RIMS1: variants seen among roughly 807,000 people sequenced by gnomAD.
RIMS1 encodes regulating synaptic membrane exocytosis protein 1.
A neutral mutation model predicts 214.1 loss-of-function variants in RIMS1; 83 were observed. That is an observed-to-expected ratio of 0.39 (90% CI 0.32 to 0.47). The LOEUF is 0.47. RIMS1 is among the 20% of genes least tolerant of loss of function. The pLI, the probability that RIMS1 is intolerant of heterozygous loss-of-function variation, is 0.99. For missense variants in RIMS1, 2,050 were observed against 2,161.8 expected (o/e 0.95, Z 1.03); for synonymous variants, 793 against 786.8 (o/e 1.01, Z -0.13).
At chr6:72,261,390 G>T in intron 19 of RIMS1, 1 of 985,772 alleles carries the variant, frequency 1.0e-6, no homozygotes, top group Non-Finnish European at 1.2e-6. Flanking sequence ...CAGTATGAAT[G>T]CCTCTTTAGA....
At chr6:71,903,984 C>A (rs1005297818) in intron 1 of RIMS1, among the ~76,000 whole-genome samples, 1 of 152,116 alleles carries the variant, frequency 6.6e-6, no homozygotes, top group Non-Finnish European at 1.5e-5. Context: ...GATAAATTAT[C>A]CTTCCTCTTT....
At chr6:72,288,436 A>G (rs1377687195) in intron 24 of RIMS1, among the ~76,000 whole-genome samples, 1 of 152,144 alleles carries the variant, frequency 6.6e-6, no homozygotes, top group Non-Finnish European at 1.5e-5. Flanking sequence ...AGTAAGGAAT[A>G]GCTGTTACTG....
At position 72,086,266 on chromosome 6, in the gene RIMS1, T is replaced by C. The variant is rs1378509718; in HGVS notation, c.246-10683T>C. 1.2e-4 allele frequency among the ~76,000 whole-genome samples: 19 copies of C among 152,296 alleles called. 1 individual carries two copies. Among genetic ancestry groups the C allele is most frequent in the Admixed American group, 1.0e-3 (16 of 15,294 alleles). Reference sequence around the variant, plus strand: ...TTCATATTTCTTCCAAAGGAGAGCCTGTATGCTCATATCTAGAATAGCATA... The same window carrying C: ...TTCATATTTCTTCCAAAGGAGAGCCCGTATGCTCATATCTAGAATAGCATA... On this transcript the variant is annotated intron_variant, in intron 2 of 33. Coordinates refer to ENST00000521978, the MANE Select transcript of RIMS1 (RefSeq NM_014989.7).
At chr6:72,335,988 T>C (rs1237726007) in intron 29 of RIMS1, among the ~76,000 whole-genome samples, 2 of 151,920 alleles carry the variant, frequency 1.3e-5, no homozygotes, top group Non-Finnish European at 2.9e-5. Context: ...GTCAGATGGA[T>C]AGATTTTATT....
intron 33 of RIMS1, among the ~76,000 whole-genome samples, 173 bp from the exon 34 acceptor site, chr6:72,400,322 AC>A: frequency 6.6e-6 from 1 of 152,256 alleles, no homozygotes; most frequent in African/African-American, 2.4e-5. Context: ...GTCTATGAGC[AC>A]CTTAAGGTTA....
At chr6:71,969,461 G>A (rs1405389749) in intron 2 of RIMS1, among the ~76,000 whole-genome samples, 1 of 152,130 alleles carries the variant, frequency 6.6e-6, no homozygotes, top group Non-Finnish European at 1.5e-5. Flanking sequence ...TGCATAGGTA[G>A]TCCATTATCT....
At chr6:71,956,792 T>C (rs545996940) in intron 1 of RIMS1, among the ~76,000 whole-genome samples, 1 of 152,246 alleles carries the variant, frequency 6.6e-6, no homozygotes, top group South Asian at 2.1e-4. Flanking sequence ...TTTCATCTCG[T>C]TGCGCGAATG....
At chr6:72,108,252 T>G (rs1436875556) in intron 4 of RIMS1, among the ~76,000 whole-genome samples, 1 of 125,182 alleles carries the variant, frequency 8.0e-6, no homozygotes, top group Non-Finnish European at 1.8e-5. Flanking sequence ...GCTTGGATAA[T>G]TTTGTGTGTG....
At chr6:72,213,035 T>C (rs1421800163) in intron 6 of RIMS1, 1 of 1,524,356 alleles carries the variant, frequency 6.6e-7, no homozygotes, top group Non-Finnish European at 8.8e-7. Context: ...CTTCACACTC[T>C]TCTTAGATAA....
chr6:72,102,381 C>T (rs899954850), intron 4 of RIMS1, among the ~76,000 whole-genome samples: 1 of 151,882 alleles, frequency 6.6e-6, no homozygotes, highest in South Asian at 2.1e-4. Flanking sequence ...AAAACAGAAC[C>T]TTACTATTTT....
chr6:72,260,093 T>G (rs1213258755), intron 18 of RIMS1, among the ~76,000 whole-genome samples: 1 of 152,062 alleles, frequency 6.6e-6, no homozygotes, highest in Non-Finnish European at 1.5e-5. Flanking sequence ...GGCTATTTTA[T>G]CAACATTCAT....
intron 4 of RIMS1, among the ~76,000 whole-genome samples, chr6:72,144,603 C>T (rs1474288473): frequency 6.6e-6 from 1 of 151,912 alleles, no homozygotes; most frequent in African/African-American, 2.4e-5. Context: ...TTGGTTAGCT[C>T]CCATGGTCTT....
At position 72,258,251 on chromosome 6, in the gene RIMS1, G is replaced by A. The variant is rs1314222046; in HGVS notation, c.2897G>A (p.Arg966His). The part of the protein sequence containing the change: ...PHRGNDQGKP[R>H]SRLPNVPLQR... Reference sequence around the variant, plus strand: ...CGCGGCAATGATCAGGGAAAGCCGCGTTCACGTTTACCAAATGTGCCATTA... The same window carrying A: ...CGCGGCAATGATCAGGGAAAGCCGCATTCACGTTTACCAAATGTGCCATTA... Residue 966 changes from arginine to histidine, a missense_variant, in exon 17 of 34, where the codon CGT becomes CAT. This residue lies in a region of RIMS1 where 889 missense variants were observed against 885.5 expected (regional missense o/e 1.00). Transcript: ENST00000521978. 5.6e-6 allele frequency: 9 copies of A among 1,613,344 alleles called. No individual in the cohort carries two copies. Among genetic ancestry groups the A allele is most frequent in the East Asian group, 4.5e-5 (2 of 44,850 alleles).
At chr6:72,075,526 C>T (rs2153750950) in intron 2 of RIMS1, among the ~76,000 whole-genome samples, 1 of 152,268 alleles carries the variant, frequency 6.6e-6, no homozygotes, top group Admixed American at 6.5e-5. Context: ...TACTTTATGT[C>T]ATATTCTGGT....
intron 26 of RIMS1, among the ~76,000 whole-genome samples, chr6:72,305,913 A>C (rs936949412): frequency 2.6e-5 from 4 of 152,142 alleles, no homozygotes; most frequent in African/African-American, 9.7e-5. Context: ...TTTACTGATA[A>C]AAGTATGATT....
At chr6:71,935,588 T>A (rs1784205820) in intron 1 of RIMS1, among the ~76,000 whole-genome samples, 1 of 152,198 alleles carries the variant, frequency 6.6e-6, no homozygotes, top group African/African-American at 2.4e-5. Flanking sequence ...GTTCTTGCTT[T>A]TATAAATATT....
chr6:72,292,635 T>A (rs1259275813), intron 26 of RIMS1, among the ~76,000 whole-genome samples: 2 of 152,114 alleles, frequency 1.3e-5, no homozygotes, highest in Non-Finnish European at 2.9e-5. Context: ...GGTCTGATTT[T>A]AGTAGAAACT....
chr6:72,396,508 A>G (rs1044722197), intron 31 of RIMS1, among the ~76,000 whole-genome samples: 7 of 152,202 alleles, frequency 4.6e-5, no homozygotes, highest in Non-Finnish European at 1.0e-4. Flanking sequence ...CATATCCTCA[A>G]GAAACTCTTT....
chr6:72,131,410 G>C (rs2040410832), intron 4 of RIMS1, among the ~76,000 whole-genome samples: 1 of 152,158 alleles, frequency 6.6e-6, no homozygotes, highest in African/African-American at 2.4e-5. Flanking sequence ...TAAAGGGACA[G>C]AGTACAAAAG....
Sources: gnomAD v4.1 joint callset for allele counts (sites outside exome capture counted in the v4.1 genomes callset) on GRCh38, gnomAD v4.1.1 for gene constraint, gnomAD v4.1.1 regional missense constraint, MANE v1.5 for transcripts, NCBI Gene and HGNC (gene_info 2026-07-23, HGNC 2026-07-21) for gene names.